USP12: variants seen among roughly 807,000 people sequenced by gnomAD.
The protein encoded by USP12 is ubiquitin carboxyl-terminal hydrolase 12.
In USP12, 19 loss-of-function variants were observed where a neutral mutation model predicts 45.5. The ratio of observed to expected loss-of-function variants is 0.42; its 90% CI spans 0.29 to 0.61. The LOEUF is 0.61. Ranked by LOEUF, USP12 falls within the 20% of genes least tolerant of loss-of-function variation. The probability of loss-of-function intolerance (pLI) is 0.22; values close to 1 mark genes in which losing one functional copy is unlikely to be tolerated. For synonymous variants in USP12, 149 were observed against 148.8 expected, an observed-to-expected ratio of 1.00 and a Z score of -0.01; for missense variants, 242 against 447.7, an observed-to-expected ratio of 0.54 and a Z score of 4.15.
chr13:27,161,283 A>G (rs1028108055), intron 1 of USP12, among the ~76,000 whole-genome samples: 21 of 152,234 alleles, frequency 1.4e-4, no homozygotes, highest in African/African-American at 4.6e-4. Context: ...AGATTTTTGG[A>G]CTAAGATAAT....
intron 1 of USP12, among the ~76,000 whole-genome samples, chr13:27,119,407 G>A (rs73497397): frequency 0.016 from 2,430 of 152,260 alleles, 28 homozygotes; most frequent in Middle Eastern, 0.034. Flanking sequence ...AGAGGAGTAA[G>A]GTGGAAAGAG....
intron 1 of USP12, among the ~76,000 whole-genome samples, chr13:27,166,805 C>G (rs1878364976): frequency 2.0e-5 from 3 of 152,082 alleles, no homozygotes; most frequent in Admixed American, 2.0e-4. Flanking sequence ...CTAACTATAT[C>G]ACTTTACCCT....
At chr13:27,153,410 C>T (rs146024677) in intron 1 of USP12, among the ~76,000 whole-genome samples, 7 of 152,114 alleles carry the variant, frequency 4.6e-5, no homozygotes, top group Non-Finnish European at 1.0e-4. Flanking sequence ...CATATGCATA[C>T]AAAAACATAT....
chr13:27,163,768 T>TAAAAAAAAAAAAAAAAA (rs34384911), intron 1 of USP12, among the ~76,000 whole-genome samples: 12 of 83,276 alleles, frequency 1.4e-4, no homozygotes, highest in Non-Finnish European at 2.6e-4. Context: ...AGACCTGTCT[T>TAAAAAAAAAAAAAAAAA]AAAAAAAAAA....
At chr13:27,159,037 C>G (rs767154354) in intron 1 of USP12, among the ~76,000 whole-genome samples, 2 of 152,204 alleles carry the variant, frequency 1.3e-5, no homozygotes, top group East Asian at 3.8e-4. Context: ...CTAGCAATTA[C>G]TTCTTGGGAA....
intron 1 of USP12, among the ~76,000 whole-genome samples, chr13:27,136,059 G>A (rs1342121991): frequency 1.3e-5 from 2 of 152,168 alleles, no homozygotes; most frequent in Admixed American, 6.5e-5. Flanking sequence ...CTGAGAGTGG[G>A]AGAGTTAGGT....
intron 1 of USP12, among the ~76,000 whole-genome samples, chr13:27,157,495 T>C (rs57188284): frequency 0.02 from 3,088 of 152,266 alleles, 127 homozygotes; most frequent in African/African-American, 0.07. Context: ...TTCTGTAAGC[T>C]ACAAATGTGA....
chr13:27,123,780 A>G (rs1876104913), intron 1 of USP12, among the ~76,000 whole-genome samples: 1 of 152,204 alleles, frequency 6.6e-6, no homozygotes, highest in South Asian at 2.1e-4. Flanking sequence ...ATGAGAGTCC[A>G]TTAAACCTCT....
intron 1 of USP12, among the ~76,000 whole-genome samples, chr13:27,126,795 T>C (rs1876258385): frequency 6.6e-6 from 1 of 152,162 alleles, no homozygotes; most frequent in African/African-American, 2.4e-5. Flanking sequence ...TTCTAAACAT[T>C]TGAGCTCCAA....
intron 1 of USP12, chr13:27,168,840 A>C (rs766953176): frequency 6.6e-6 from 1 of 152,248 alleles, no homozygotes; most frequent in Non-Finnish European, 1.5e-5. Context: ...AAGGTATTGC[A>C]GATTTGCCCA....
intron 1 of USP12, among the ~76,000 whole-genome samples, chr13:27,143,647 A>C (rs900822175): frequency 1.3e-5 from 2 of 152,220 alleles, no homozygotes; most frequent in Non-Finnish European, 2.9e-5. Flanking sequence ...CACTTGAATC[A>C]AATCATCAAA....
chr13:27,077,810 A>G (rs900670076), intron 6 of USP12: 4 of 152,186 alleles, frequency 2.6e-5, no homozygotes, highest in African/African-American at 9.6e-5. Context: ...TAAGGTCACC[A>G]AAACACCAAA....
chr13:27,141,226 G>A (rs1043258489), intron 1 of USP12, among the ~76,000 whole-genome samples: 3 of 151,976 alleles, frequency 2.0e-5, no homozygotes, highest in East Asian at 3.9e-4. Flanking sequence ...TATTGGCCAG[G>A]TTGGTCTCAA....
At chr13:27,090,472 C>T (rs1874258468) in intron 4 of USP12, among the ~76,000 whole-genome samples, 1 of 152,006 alleles carries the variant, frequency 6.6e-6, no homozygotes, top group South Asian at 2.1e-4. Flanking sequence ...ACCATATACA[C>T]TGATTCTTAA....
intron 1 of USP12, among the ~76,000 whole-genome samples, chr13:27,153,366 T>G (rs1170669453): frequency 6.6e-6 from 1 of 152,238 alleles, no homozygotes; most frequent in African/African-American, 2.4e-5. Context: ...ACTTTTAAAG[T>G]CTTCAATTTT....
intron 1 of USP12, among the ~76,000 whole-genome samples, chr13:27,150,968 G>A (rs1877539525): frequency 6.6e-6 from 1 of 152,064 alleles, no homozygotes; most frequent in South Asian, 2.1e-4. Context: ...CACTGGATTT[G>A]GCAAAGGATT....
At chr13:27,105,987 C>A in intron 2 of USP12, 43 bp from the exon 3 acceptor site, 2 of 1,519,450 alleles carry the variant, frequency 1.3e-6, no homozygotes, top group South Asian at 1.2e-5. Context: ...TAGGGCAACA[C>A]ATTTTCAAGA....
intron 6 of USP12, among the ~76,000 whole-genome samples, chr13:27,082,026 G>A (rs1366793505): frequency 6.6e-6 from 1 of 152,140 alleles, no homozygotes; most frequent in Non-Finnish European, 1.5e-5. Flanking sequence ...AGGATTTTAG[G>A]GATGGTAAAT....
intron 1 of USP12, among the ~76,000 whole-genome samples, chr13:27,136,575 T>C (rs1876815438): frequency 6.6e-6 from 1 of 152,166 alleles, no homozygotes; most frequent in Non-Finnish European, 1.5e-5. Context: ...ATGGAGAGAA[T>C]AGATAGGTAA....
Sources: allele counts gnomAD v4.1 joint callset (sites outside exome capture counted in the v4.1 genomes callset), GRCh38; gene constraint gnomAD v4.1.1; transcripts MANE v1.5; gene names NCBI Gene and HGNC (gene_info 2026-07-23, HGNC 2026-07-21).